Variants in RGS6 observed in about 807,000 individuals in gnomAD.
RGS6 encodes regulator of G-protein signaling 6.
Under a neutral mutation model 78.5 loss-of-function variants are expected in RGS6, and 30 were observed. That is an observed-to-expected ratio of 0.38 (90% CI 0.29 to 0.52). RGS6 has a LOEUF of 0.52. Among genes scored for constraint, RGS6 ranks in the 20% least tolerant of loss-of-function variants. The probability of loss-of-function intolerance (pLI) is 0.85; values close to 1 mark genes in which losing one functional copy is unlikely to be tolerated. For missense variants in RGS6, 495 were observed against 609.7 expected, an observed-to-expected ratio of 0.81 and a Z score of 1.98; for synonymous variants, 206 against 206.0, an observed-to-expected ratio of 1.00 and a Z score of 0.00.
At chr14:72,023,396 A>G (rs1284638317) in intron 2 of RGS6, among the ~76,000 whole-genome samples, 1 of 152,190 alleles carries the variant, frequency 6.6e-6, no homozygotes, top group Non-Finnish European at 1.5e-5. Context: ...TAGGGACTCC[A>G]TTTAAAATTT....
At chr14:72,603,303 C>T in the RGS6 span, among the ~76,000 whole-genome samples, 1 of 152,190 alleles carries the variant, frequency 6.6e-6, no homozygotes, top group Admixed American at 6.5e-5. Context: ...TGTAGTAACC[C>T]AACAACAGAT....
At chr14:72,538,552 C>A (rs2097279971) in intron 16 of RGS6, among the ~76,000 whole-genome samples, 1 of 152,194 alleles carries the variant, frequency 6.6e-6, no homozygotes, top group Non-Finnish European at 1.5e-5. Flanking sequence ...CAATGGCCAC[C>A]CTCTGTGAGC....
intron 2 of RGS6, among the ~76,000 whole-genome samples, chr14:72,065,939 A>G (rs2094127847): frequency 6.8e-6 from 1 of 146,196 alleles, no homozygotes; most frequent in African/African-American, 2.5e-5. Flanking sequence ...CCAGCCCACA[A>G]CAGTCCCCAG....
chr14:72,495,388 G>A, intron 13 of RGS6, 126 bp downstream of exon 13: 2 of 683,164 alleles, frequency 2.9e-6, no homozygotes, highest in Non-Finnish European at 2.7e-6. Flanking sequence ...CCCTCAAGTA[G>A]CCTCCCAGCT....
At chr14:72,055,353 T>C (rs986452702) in intron 2 of RGS6, among the ~76,000 whole-genome samples, 7 of 152,206 alleles carry the variant, frequency 4.6e-5, no homozygotes, top group African/African-American at 1.4e-4. Context: ...TCTACTGATA[T>C]ACTTCTTAAG....
At chr14:72,541,055 C>T (rs1567087986) in intron 17 of RGS6, 5 of 1,340,208 alleles carry the variant, frequency 3.7e-6, no homozygotes, top group Non-Finnish European at 3.9e-6. Context: ...CTCAATCCCG[C>T]TCAATCACGG....
intron 3 of RGS6, among the ~76,000 whole-genome samples, chr14:72,438,341 T>C (rs2095035729): frequency 6.6e-6 from 1 of 152,110 alleles, no homozygotes; most frequent in South Asian, 2.1e-4. Context: ...CCTCGCTGCC[T>C]GAAGTGCATT....
In RGS6 at chr14:72,110,203, T is replaced by TCACCA. The variant is rs200875429; in HGVS notation, c.84+145330_84+145334dup. 9.6e-3 allele frequency among the ~76,000 whole-genome samples: 1,465 copies of TCACCA among 152,304 alleles called. 20 individuals carry two copies. Among genetic ancestry groups the TCACCA allele is most frequent in the African/African-American group, 0.033 (1,360 of 41,558 alleles). ...TTGTATACATATTCTTATTTAACCC[T>TCACCA]CACCACCTGGCAAAGCATTGTCCTC... On this transcript the variant is annotated intron_variant, in intron 2 of 17. Coordinates refer to ENST00000553525, the MANE Select transcript of RGS6 (RefSeq NM_001204424.2).
chr14:72,140,145 G>A (rs55798882), intron 2 of RGS6, among the ~76,000 whole-genome samples: 1,805 of 152,266 alleles, frequency 0.012, 38 homozygotes, highest in African/African-American at 0.041. Context: ...CAGGAAATGT[G>A]CATGGTTTTT....
chr14:71,937,011 G>C (rs1024426092), intron 1 of RGS6, among the ~76,000 whole-genome samples: 16 of 152,180 alleles, frequency 1.1e-4, no homozygotes, highest in African/African-American at 3.6e-4. Flanking sequence ...TTGGGCTGTT[G>C]TAGTTTCCTG....
rs139834435 is a variant in RGS6, at chr14:72,253,205, TTC to T, written c.85-98884_85-98883del. 2.1e-3 allele frequency among the ~76,000 whole-genome samples: 326 copies of T among 152,382 alleles called. 2 individuals carry two copies. The highest frequency in any genetic ancestry group is 7.4e-3 in the African/African-American group (307 of 41,592). ...GCCATCATGTGACTCAGCCATGCTC[TTC>T]TCTCTGCCATGAGAATGGCATATTA... is the stretch of plus-strand genomic sequence containing the variant. On this transcript the variant is annotated intron_variant, in intron 2 of 17. Coordinates refer to ENST00000553525, the MANE Select transcript of RGS6 (RefSeq NM_001204424.2).
chr14:72,061,350 A>C (rs2153435388), intron 2 of RGS6, among the ~76,000 whole-genome samples: 1 of 152,250 alleles, frequency 6.6e-6, no homozygotes, highest in East Asian at 1.9e-4. Context: ...GTGTAACCTA[A>C]CCTATTCTGA....
intron 2 of RGS6, among the ~76,000 whole-genome samples, chr14:72,347,954 A>C (rs1325363015): frequency 3.9e-5 from 6 of 152,198 alleles, no homozygotes. Context: ...TGCCATGTTC[A>C]GCTCAAGATT....
intron 2 of RGS6, among the ~76,000 whole-genome samples, chr14:72,266,147 G>A (rs971864040): frequency 6.6e-6 from 1 of 152,136 alleles, no homozygotes; most frequent in Non-Finnish European, 1.5e-5. Context: ...GAAGGGGGTC[G>A]CTGGATACTT....
At chr14:72,168,423 C>T (rs1598741689) in intron 2 of RGS6, among the ~76,000 whole-genome samples, 1 of 152,200 alleles carries the variant, frequency 6.6e-6, no homozygotes, top group South Asian at 2.1e-4. Flanking sequence ...TGGTCTAGAA[C>T]TGTGCTGGGC....
At chr14:72,536,307 C>T (rs369518923) in intron 16 of RGS6, 32 bp downstream of exon 16, 18 of 1,499,508 alleles carry the variant, frequency 1.2e-5, no homozygotes, top group Non-Finnish European at 1.7e-5. Context: ...TTGCTCTTAG[C>T]ACTGTTGACT....
intron 2 of RGS6, among the ~76,000 whole-genome samples, chr14:72,097,377 T>A (rs2108469): frequency 0.36 from 54,219 of 151,984 alleles, 10,370 homozygotes; most frequent in Non-Finnish European, 0.43. Context: ...GAACACAGGG[T>A]TACAGGAAGC....
At chr14:72,008,828 A>C (rs181382525) in intron 2 of RGS6, among the ~76,000 whole-genome samples, 1 of 152,204 alleles carries the variant, frequency 6.6e-6, no homozygotes, top group South Asian at 2.1e-4. Flanking sequence ...TGTAGAAAAA[A>C]ACTGCTGTAG....
intron 3 of RGS6, among the ~76,000 whole-genome samples, chr14:72,379,500 A>T (rs1020534632): frequency 6.6e-6 from 1 of 152,156 alleles, no homozygotes; most frequent in Non-Finnish European, 1.5e-5. Flanking sequence ...TACAAAATCA[A>T]CATACAAAGA....
Sources: allele counts gnomAD v4.1 joint callset (sites outside exome capture counted in the v4.1 genomes callset), GRCh38; gene constraint gnomAD v4.1.1; transcripts MANE v1.5; gene names NCBI Gene and HGNC (gene_info 2026-07-23, HGNC 2026-07-21).